FOXP1: variants seen among roughly 807,000 people sequenced by gnomAD.
FOXP1 encodes the protein forkhead box protein P1.
In FOXP1, 15 loss-of-function variants were observed where a neutral mutation model predicts 98.2. That is an observed-to-expected ratio of 0.15 (90% CI 0.10 to 0.24). The LOEUF is 0.24. Ranked by LOEUF, FOXP1 falls within the 10% of genes least tolerant of loss-of-function variation. FOXP1 has a pLI of 1.00. For synonymous variants in FOXP1, 371 were observed against 314.5 expected, an observed-to-expected ratio of 1.18 and a Z score of -1.90; for missense variants, 633 against 848.5, an observed-to-expected ratio of 0.75 and a Z score of 3.15.
At chr3:71,420,694 A>G (rs1864896) in intron 3 of FOXP1, among the ~76,000 whole-genome samples, 65,410 of 151,574 alleles carry the variant, frequency 0.43, 15,936 homozygotes, top group Non-Finnish European at 0.56. Flanking sequence ...TAAGCATCTG[A>G]GTTTCTATCC....
At chr3:71,247,312 C>T (rs1033822107) in intron 5 of FOXP1, among the ~76,000 whole-genome samples, 1 of 152,178 alleles carries the variant, frequency 6.6e-6, no homozygotes, top group Admixed American at 6.5e-5. Flanking sequence ...TTCTGAGAGA[C>T]AGCAGCACTT....
chr3:71,099,518 GCAAAACAAAACAAAA>G (rs745686792), intron 7 of FOXP1, among the ~76,000 whole-genome samples: 2 of 151,862 alleles, frequency 1.3e-5, no homozygotes, highest in African/African-American at 4.8e-5. Context: ...TCTCAACAAA[GCAAAACAAAACAAAA>G]CAAAACAAAA....
chr3:70,984,915 T>C (rs1461738198), intron 14 of FOXP1, among the ~76,000 whole-genome samples: 10 of 152,316 alleles, frequency 6.6e-5, no homozygotes, highest in African/African-American at 1.9e-4. Context: ...GTCTATGAGC[T>C]GATGTAAAAA....
chr3:71,387,617 A>C (rs958213451), intron 3 of FOXP1, among the ~76,000 whole-genome samples: 1 of 152,224 alleles, frequency 6.6e-6, no homozygotes, highest in Non-Finnish European at 1.5e-5. Context: ...TTTCCATAAA[A>C]ATGTATCAAC....
chr3:71,181,155 A>G (rs2062266535), intron 6 of FOXP1, among the ~76,000 whole-genome samples: 1 of 152,176 alleles, frequency 6.6e-6, no homozygotes, highest in South Asian at 2.1e-4. Flanking sequence ...TCCAACAGCC[A>G]TATCTACAAT....
At chr3:71,452,600 A>C (rs2087062484) in intron 3 of FOXP1, among the ~76,000 whole-genome samples, 1 of 152,184 alleles carries the variant, frequency 6.6e-6, no homozygotes, top group Admixed American at 6.5e-5. Context: ...GAGAGGGTTG[A>C]ACTTGGAGGG....
intron 7 of FOXP1, among the ~76,000 whole-genome samples, chr3:71,061,694 G>A (rs947378077): frequency 6.6e-6 from 1 of 152,136 alleles, no homozygotes; most frequent in African/African-American, 2.4e-5. Context: ...AAGGAATGAT[G>A]AACTACCTGA....
chr3:71,433,626 A>G (rs2084935601), intron 3 of FOXP1, among the ~76,000 whole-genome samples: 1 of 152,242 alleles, frequency 6.6e-6, no homozygotes, highest in African/African-American at 2.4e-5. Context: ...CAAACAGAAT[A>G]TAAAACAGGT....
At position 71,074,437 on chromosome 3, in the gene FOXP1, G is replaced by A. The variant is rs553992662; in HGVS notation, c.283-20664C>T. Among the ~76,000 whole-genome samples, 122 of 152,270 alleles carry A rather than the reference G, an allele frequency of 8.0e-4. 4 individuals carry two copies. The highest frequency in any genetic ancestry group is 7.8e-3 in the Admixed American group (120 of 15,288). On this transcript the variant is annotated intron_variant, in intron 7 of 20. Transcript: ENST00000649528. ...AGACAGGGTTTCATCCTATTGGCCA[G>A]GCTGGTCTCAAACTCCTAATCTCAG...
chr3:71,432,878 A>T (rs2084861408), intron 3 of FOXP1, among the ~76,000 whole-genome samples: 1 of 151,184 alleles, frequency 6.6e-6, no homozygotes, highest in South Asian at 2.1e-4. Context: ...TAAAAAAAAA[A>T]GCCCCATGAT....
At chr3:71,053,543 G>T (rs1036737646) in intron 8 of FOXP1, 93 bp downstream of exon 8, 34 of 1,491,850 alleles carry the variant, frequency 2.3e-5, no homozygotes, top group Non-Finnish European at 3.2e-5. Flanking sequence ...CTGAGCAAAG[G>T]AGCTGCTCTG....
intron 3 of FOXP1, among the ~76,000 whole-genome samples, chr3:71,386,836 C>A (rs2080627832): frequency 6.6e-6 from 1 of 151,748 alleles, no homozygotes; most frequent in Non-Finnish European, 1.5e-5. Flanking sequence ...TGATGCCTTG[C>A]CCATAGCAAA....
intron 3 of FOXP1, among the ~76,000 whole-genome samples, chr3:71,383,789 G>GT (rs1309080784): frequency 1.3e-5 from 2 of 152,260 alleles, no homozygotes; most frequent in African/African-American, 4.8e-5. Context: ...CTAAATTGCC[G>GT]TTTTTAAGAA....
intron 6 of FOXP1, among the ~76,000 whole-genome samples, chr3:71,189,054 C>T (rs2062816464): frequency 1.3e-5 from 2 of 152,136 alleles, no homozygotes; most frequent in South Asian, 4.1e-4. Flanking sequence ...CTGGGCATGG[C>T]TAAATTTAAA....
intron 6 of FOXP1, among the ~76,000 whole-genome samples, chr3:71,146,056 A>G (rs905982448): frequency 3.9e-5 from 6 of 152,184 alleles, no homozygotes; most frequent in Non-Finnish European, 4.4e-5. Context: ...GAAAAATGCA[A>G]CCCGGAAGCT....
rs1194553992 is a variant in FOXP1, at chr3:70,955,270, A to C, written c.*3977T>G. On this transcript the variant is annotated 3_prime_UTR_variant, in exon 21 of 21. Coordinates refer to ENST00000649528, the MANE Select transcript of FOXP1 (RefSeq NM_001349338.3). ...GTGATTTACAGCCTATCTTGGGTTA[A>C]GAATCCAAGGTTTTCTTTACTAGGT... The C allele has an allele frequency of 4.3e-6, 1 of 232,874 alleles. No individual in the cohort carries two copies. Among genetic ancestry groups the C allele is most frequent in the African/African-American group, 2.2e-5 (1 of 45,332 alleles). 14.4% of individuals were successfully genotyped at this position (232,874 alleles called of 1,614,324 possible). A position where few individuals can be genotyped will look rare whatever the true frequency, so the allele number is the denominator to read the frequency against.
At chr3:71,521,111 G>T (rs1204593287) in intron 2 of FOXP1, among the ~76,000 whole-genome samples, 1 of 152,204 alleles carries the variant, frequency 6.6e-6, no homozygotes, top group East Asian at 1.9e-4. Flanking sequence ...AGGCTAGGTG[G>T]TGTGGGGGAG....
intron 1 of FOXP1, chr3:71,582,763 G>A (rs965347903): frequency 2.0e-5 from 20 of 985,272 alleles, no homozygotes; most frequent in Non-Finnish European, 2.3e-5. Context: ...CGCGCGTAGG[G>A]GTGCGTGTCT....
chr3:71,174,651 G>A (rs969216859), intron 6 of FOXP1, among the ~76,000 whole-genome samples: 5 of 152,080 alleles, frequency 3.3e-5, no homozygotes, highest in African/African-American at 1.2e-4. Context: ...AAAGGACAAA[G>A]CCTTTATTCT....
Sources: gnomAD v4.1 joint callset for allele counts (sites outside exome capture counted in the v4.1 genomes callset) on GRCh38, gnomAD v4.1.1 for gene constraint, MANE v1.5 for transcripts, NCBI Gene and HGNC (gene_info 2026-07-23, HGNC 2026-07-21) for gene names.